The following GNAO1 variants were observed in gnomAD, a reference collection of about 807,000 sequenced individuals.
GNAO1 encodes G protein subunit alpha o1.
For missense variants in GNAO1, 166 were observed against 478.7 expected (o/e 0.35, Z 6.10); for synonymous variants, 164 against 180.7 (o/e 0.91, Z 0.74).
chr16:56,225,485 A>G (rs1234873817), intron 2 of GNAO1, among the ~76,000 whole-genome samples: 2 of 152,198 alleles, frequency 1.3e-5, no homozygotes. Flanking sequence ...CCCAGAGGGA[A>G]CTAGCAGAAA....
intron 2 of GNAO1, among the ~76,000 whole-genome samples, chr16:56,209,323 T>C (rs758339747): frequency 6.6e-6 from 1 of 152,210 alleles, no homozygotes; most frequent in Non-Finnish European, 1.5e-5. Flanking sequence ...CCCATTGGAC[T>C]CTATTCTTAT....
intron 6 of GNAO1, among the ~76,000 whole-genome samples, chr16:56,348,379 T>C (rs2037892614): frequency 6.6e-6 from 1 of 152,178 alleles, no homozygotes; most frequent in Non-Finnish European, 1.5e-5. Context: ...CCTGTCAGGA[T>C]CGCCATCTGG....
chr16:56,292,564 G>A (rs1391857055), intron 3 of GNAO1, among the ~76,000 whole-genome samples: 7 of 152,050 alleles, frequency 4.6e-5, no homozygotes, highest in Non-Finnish European at 7.4e-5. Context: ...GTTACATTAT[G>A]TTGCCCAGGC....
At chr16:56,279,831 G>T (rs2037098153) in intron 3 of GNAO1, among the ~76,000 whole-genome samples, 1 of 152,132 alleles carries the variant, frequency 6.6e-6, no homozygotes, top group Non-Finnish European at 1.5e-5. Context: ...TTTCAAGGGG[G>T]CCTGGCCCAC....
intron 2 of GNAO1, among the ~76,000 whole-genome samples, chr16:56,272,718 T>C (rs1596834744): frequency 6.6e-6 from 1 of 152,320 alleles, no homozygotes; most frequent in East Asian, 1.9e-4. Flanking sequence ...TTCTCTTCTG[T>C]CAAATGGGTA....
intron 3 of GNAO1, among the ~76,000 whole-genome samples, chr16:56,323,597 C>T (rs1019064535): frequency 1.3e-5 from 2 of 151,774 alleles, no homozygotes; most frequent in African/African-American, 4.8e-5. Context: ...TGAGGCCTTA[C>T]TTCACTTCAG....
At chr16:56,287,083 T>C (rs1596843101) in intron 3 of GNAO1, among the ~76,000 whole-genome samples, 1 of 152,196 alleles carries the variant, frequency 6.6e-6, no homozygotes, top group African/African-American at 2.4e-5. Context: ...GCCTCTCCCC[T>C]GAGGTCCCAG....
At chr16:56,276,222 G>A (rs771820878) in intron 3 of GNAO1, 150 bp downstream of exon 3, 42 of 605,392 alleles carry the variant, frequency 6.9e-5, no homozygotes, top group Non-Finnish European at 1.1e-4. Context: ...ACCAACCTAA[G>A]CCATTGCATC....
At chr16:56,334,677 G>A (rs950088381) in intron 4 of GNAO1, 52 bp from the exon 5 acceptor site, 40 of 1,602,892 alleles carry the variant, frequency 2.5e-5, no homozygotes, top group East Asian at 1.1e-4. Context: ...GGCCAGTCCC[G>A]AACAGTGTCC....
At chr16:56,312,131 T>C (rs2143609528) in intron 3 of GNAO1, among the ~76,000 whole-genome samples, 1 of 152,206 alleles carries the variant, frequency 6.6e-6, no homozygotes, top group East Asian at 1.9e-4. Context: ...GGGCCTCCAT[T>C]TCCTCTCGGA....
At chr16:56,315,661 T>C (rs1489043804) in intron 3 of GNAO1, among the ~76,000 whole-genome samples, 1 of 151,870 alleles carries the variant, frequency 6.6e-6, no homozygotes, top group Non-Finnish European at 1.5e-5. Context: ...ACAGACAGCG[T>C]CCCCACCCCT....
intron 2 of GNAO1, among the ~76,000 whole-genome samples, chr16:56,205,452 C>T (rs1420787739): frequency 2.6e-5 from 4 of 152,160 alleles, no homozygotes; most frequent in South Asian, 2.1e-4. Context: ...CACTCTATCT[C>T]CCTGGTACTC....
At chr16:56,284,203 C>G (rs16956263) in intron 3 of GNAO1, among the ~76,000 whole-genome samples, 1,644 of 152,336 alleles carry the variant, frequency 0.011, 34 homozygotes, top group African/African-American at 0.037. Flanking sequence ...GATCAAGAGG[C>G]TCCCGGTCTT....
intron 2 of GNAO1, among the ~76,000 whole-genome samples, chr16:56,258,447 G>A (rs1424006): frequency 0.58 from 87,802 of 152,132 alleles, 25,490 homozygotes; most frequent in East Asian, 0.63. Flanking sequence ...TCAGTAACAC[G>A]TGAAATGTTT....
intron 3 of GNAO1, among the ~76,000 whole-genome samples, chr16:56,297,959 A>G (rs927997539): frequency 6.6e-6 from 1 of 152,210 alleles, no homozygotes; most frequent in African/African-American, 2.4e-5. Flanking sequence ...ACTTGAGCCC[A>G]GGAGTTTGAG....
At chr16:56,303,142 C>A (rs1241366415) in intron 3 of GNAO1, among the ~76,000 whole-genome samples, 1 of 152,188 alleles carries the variant, frequency 6.6e-6, no homozygotes. Flanking sequence ...TTTGACTGCT[C>A]GTTCTGCCTG....
intron 3 of GNAO1, among the ~76,000 whole-genome samples, chr16:56,322,584 T>C (rs573959110): frequency 1.3e-5 from 2 of 152,194 alleles, no homozygotes; most frequent in South Asian, 2.1e-4. Flanking sequence ...TTCTATCTTA[T>C]GCATCTCCCT....
At chr16:56,249,150 G>T (rs780926902) in intron 2 of GNAO1, among the ~76,000 whole-genome samples, 13 of 151,940 alleles carry the variant, frequency 8.6e-5, no homozygotes, top group Non-Finnish European at 1.6e-4. Flanking sequence ...TTGAATGTAG[G>T]TGTGAGAGAA....
At chr16:56,262,494 G>A (rs1047901131) in intron 2 of GNAO1, among the ~76,000 whole-genome samples, 1 of 152,128 alleles carries the variant, frequency 6.6e-6, no homozygotes, top group Non-Finnish European at 1.5e-5. Context: ...AGGCGCTAAT[G>A]AGCAGGAACA....
Sources: gnomAD v4.1 joint callset for allele counts (sites outside exome capture counted in the v4.1 genomes callset) on GRCh38, gnomAD v4.1.1 for gene constraint, MANE v1.5 for transcripts, NCBI Gene and HGNC (gene_info 2026-07-23, HGNC 2026-07-21) for gene names.